MAF: variants seen among roughly 807,000 people sequenced by gnomAD.
MAF encodes MAF bZIP transcription factor, also known as transcription factor Maf.
A neutral mutation model predicts 22.0 loss-of-function variants in MAF; 10 were observed. The observed-to-expected ratio is 0.45, with a 90% CI of 0.28 to 0.77. MAF has a LOEUF of 0.77. MAF is among the 30% of genes least tolerant of loss of function. The pLI is 0.12. For missense variants in MAF, 544 were observed against 548.4 expected (o/e 0.99, Z 0.08); for synonymous variants, 337 against 255.8 (o/e 1.32, Z -3.03).
At chr16:79,237,957 G>A in the MAF span, among the ~76,000 whole-genome samples, 3,864 of 152,152 alleles carry the variant, frequency 0.025, 152 homozygotes, top group African/African-American at 0.089. Flanking sequence ...CCAGCAACTC[G>A]TCTTAGACGG....
chr16:79,593,380 A>G (rs113899394), downstream of MAF, among the ~76,000 whole-genome samples: 255 of 152,278 alleles, frequency 1.7e-3, 1 homozygote, highest in African/African-American at 5.8e-3. Context: ...GAGGGTGACC[A>G]TGATCTGTCT....
At chr16:79,439,116 T>C in the MAF span, among the ~76,000 whole-genome samples, 3,100 of 152,228 alleles carry the variant, frequency 0.02, 137 homozygotes, top group East Asian at 0.18. Context: ...TCTAGGGCAC[T>C]GCACTTCGCA....
intron 1 of MAF, among the ~76,000 whole-genome samples, chr16:79,588,281 T>C (rs1450296867): frequency 3.9e-5 from 6 of 152,174 alleles, no homozygotes; most frequent in Non-Finnish European, 8.8e-5. Context: ...AAAGGGAGCT[T>C]ACCTGCCTTT....
chr16:79,515,686 G>A, the MAF span, among the ~76,000 whole-genome samples: 7 of 152,166 alleles, frequency 4.6e-5, no homozygotes, highest in Non-Finnish European at 8.8e-5. Context: ...ATAAGAGGCT[G>A]GGCCGTGCTT....
chr16:79,425,888 A>G, the MAF span, among the ~76,000 whole-genome samples: 1 of 152,170 alleles, frequency 6.6e-6, no homozygotes, highest in South Asian at 2.1e-4. Context: ...TTTCATAACT[A>G]CAGCAAAATC....
chr16:79,400,022 G>A, the MAF span, among the ~76,000 whole-genome samples: 16 of 152,196 alleles, frequency 1.1e-4, no homozygotes, highest in Non-Finnish European at 1.6e-4. Flanking sequence ...AATAGTAATG[G>A]CAGTACCCGA....
At chr16:79,503,356 A>G in the MAF span, among the ~76,000 whole-genome samples, 1 of 152,198 alleles carries the variant, frequency 6.6e-6, no homozygotes, top group Non-Finnish European at 1.5e-5. Flanking sequence ...ATAAGTTAAA[A>G]TTTTTATTTA....
the MAF span, among the ~76,000 whole-genome samples, chr16:79,455,277 T>C: frequency 2.6e-4 from 40 of 152,274 alleles, no homozygotes; most frequent in South Asian, 7.7e-3. Flanking sequence ...TATATGTTAA[T>C]GGCTCAAGAG....
the MAF span, among the ~76,000 whole-genome samples, chr16:79,338,278 G>C: frequency 6.6e-6 from 1 of 152,272 alleles, no homozygotes; most frequent in Middle Eastern, 3.4e-3. Context: ...AGGTCAGGGA[G>C]GCATTTAGGG....
the MAF span, among the ~76,000 whole-genome samples, chr16:79,420,303 G>A: frequency 4.6e-5 from 7 of 152,124 alleles, no homozygotes; most frequent in African/African-American, 1.7e-4. Context: ...GGCCAACGTG[G>A]GACAGGGCAC....
chr16:79,596,160 T>C (rs1489063943), intron 1 of MAF: 1 of 1,062,886 alleles, frequency 9.4e-7, no homozygotes, highest in Non-Finnish European at 1.1e-6. Flanking sequence ...TGATCAGAAG[T>C]GTAGGGCCAT....
chr16:79,544,311 G>A, the MAF span, among the ~76,000 whole-genome samples: 1 of 152,052 alleles, frequency 6.6e-6, no homozygotes, highest in East Asian at 1.9e-4. Flanking sequence ...TCAAGTGCTC[G>A]GTCATCACAC....
At chr16:79,470,563 C>G in the MAF span, among the ~76,000 whole-genome samples, 1 of 152,236 alleles carries the variant, frequency 6.6e-6, no homozygotes. Context: ...CAGCAGCCAA[C>G]TCATTCAGGT....
chr16:79,558,009 G>A, the MAF span, among the ~76,000 whole-genome samples: 65 of 151,892 alleles, frequency 4.3e-4, no homozygotes, highest in African/African-American at 1.5e-3. Flanking sequence ...ATGGTTCAGG[G>A]GAAGCACACC....
Position 79,598,607 on chromosome 16 carries a change from TGTG to T in MAF, c.1118+175_1118+177del, listed in dbSNP as rs901196330. ...GTGTGTGTGTGTGTGTGTGTGTGTG[TGTG>T]GTGTGTGCGTGCGGGTTTGTGTGTG... is the stretch of plus-strand genomic sequence containing the variant. On this transcript the variant is annotated intron_variant, in intron 1 of 1. Coordinates refer to ENST00000326043, the MANE Select transcript of MAF (RefSeq NM_005360.5). 208 of 1,485,844 alleles carry T rather than the reference TGTG, an allele frequency of 1.4e-4. No individual in the cohort carries two copies. The Middle Eastern group carries it at 2.4e-3, about 17-fold the overall frequency. 92.0% of individuals were successfully genotyped at this position (1,485,844 alleles called of 1,614,324 possible).
chr16:79,522,612 A>T, the MAF span, among the ~76,000 whole-genome samples: 1 of 152,176 alleles, frequency 6.6e-6, no homozygotes, highest in Non-Finnish European at 1.5e-5. Context: ...AGACAAATGC[A>T]TGCACAGTTC....
At chr16:79,218,597 C>T in the MAF span, among the ~76,000 whole-genome samples, 4 of 152,168 alleles carry the variant, frequency 2.6e-5, no homozygotes, top group African/African-American at 9.7e-5. Context: ...GGTGTTCCCA[C>T]TGATAACATT....
chr16:79,309,659 C>T, the MAF span, among the ~76,000 whole-genome samples: 7,391 of 152,232 alleles, frequency 0.049, 373 homozygotes, highest in East Asian at 0.22. Flanking sequence ...AGTCCCCATC[C>T]ACAGAGGGAA....
At chr16:79,277,591 CA>C in the MAF span, among the ~76,000 whole-genome samples, 1 of 152,112 alleles carries the variant, frequency 6.6e-6, no homozygotes. Flanking sequence ...TATCTGCTAA[CA>C]GAGGAGAAAA....
Sources: allele counts gnomAD v4.1 joint callset (sites outside exome capture counted in the v4.1 genomes callset), GRCh38; gene constraint gnomAD v4.1.1; transcripts MANE v1.5; gene names NCBI Gene and HGNC (gene_info 2026-07-23, HGNC 2026-07-21).